Variants in MYOM2 observed in about 807,000 individuals in gnomAD.
MYOM2 encodes the protein myomesin 2, also known as myomesin-2.
In MYOM2, 254 loss-of-function variants were observed where a neutral mutation model predicts 187.6. That is an observed-to-expected ratio of 1.35 (90% confidence interval 1.22 to 1.50). The LOEUF is 1.50. Among genes scored for constraint, MYOM2 ranks in the 40% most tolerant of loss-of-function variants. The probability of loss-of-function intolerance (pLI) is 0.00; values close to 1 mark genes in which losing one functional copy is unlikely to be tolerated. For synonymous variants in MYOM2, 981 were observed against 753.8 expected, an observed-to-expected ratio of 1.30 and a Z score of -4.94; for missense variants, 2,796 against 1,924.0, an observed-to-expected ratio of 1.45 and a Z score of -8.48.
chr8:2,127,299 C>G (rs1797682412), intron 31 of MYOM2, among the ~76,000 whole-genome samples: 1 of 152,126 alleles, frequency 6.6e-6, no homozygotes, highest in African/African-American at 2.4e-5. Flanking sequence ...TCAGGGATCT[C>G]TGCCTTACAG....
intron 36 of MYOM2, among the ~76,000 whole-genome samples, chr8:2,143,917 C>G (rs147382122): frequency 1.1e-4 from 16 of 152,338 alleles, no homozygotes; most frequent in African/African-American, 3.6e-4. Flanking sequence ...TTCTCAAGGT[C>G]ATTGTGGAAC....
chr8:2,092,946 G>A (rs920594243), intron 16 of MYOM2, among the ~76,000 whole-genome samples: 4 of 152,152 alleles, frequency 2.6e-5, no homozygotes, highest in African/African-American at 4.8e-5. Context: ...CCCACCGGGC[G>A]CCGACTCTTC....
At chr8:2,058,994 A>C (rs1047099129) in intron 5 of MYOM2, among the ~76,000 whole-genome samples, 159 bp from the exon 6 acceptor site, 4 of 152,222 alleles carry the variant, frequency 2.6e-5, no homozygotes, top group Non-Finnish European at 2.9e-5. Context: ...AACCAGTGCG[A>C]ACTCTGGGCC....
At chr8:2,096,025 A>T (rs1293239855) in intron 17 of MYOM2, among the ~76,000 whole-genome samples, 1 of 152,172 alleles carries the variant, frequency 6.6e-6, no homozygotes, top group African/African-American at 2.4e-5. Flanking sequence ...ATAGCAATAC[A>T]TATATATGAG....
intron 6 of MYOM2, among the ~76,000 whole-genome samples, chr8:2,061,219 T>C (rs892813200): frequency 1.3e-5 from 2 of 151,972 alleles, no homozygotes; most frequent in Admixed American, 1.3e-4. Flanking sequence ...GCCTGGTGTT[T>C]AGTGAGGGAG....
At chr8:2,053,563 T>G (rs1342833144) in intron 3 of MYOM2, among the ~76,000 whole-genome samples, 1 of 152,266 alleles carries the variant, frequency 6.6e-6, no homozygotes, top group African/African-American at 2.4e-5. Flanking sequence ...TGGCTTACTG[T>G]GATTCATATG....
At chr8:2,086,498 C>CACAGTCGTGATCTCTGCGTGGCCCCCT in intron 14 of MYOM2, among the ~76,000 whole-genome samples, 1 of 142,508 alleles carries the variant, frequency 7.0e-6, no homozygotes, top group East Asian at 2.1e-4. Flanking sequence ...TGTGGCCCCC[C>CACAGTCGTGATCTCTGCGTGGCCCCCT]ACTGTCGTGA....
In MYOM2 at chr8:2,109,135, T is replaced by C. The variant is rs75840588; in HGVS notation, c.3044-260T>C. 1.9e-3 allele frequency among the ~76,000 whole-genome samples: 297 copies of C among 152,326 alleles called. 1 individual carries two copies. Among genetic ancestry groups the C allele is most frequent in the African/African-American group, 7.0e-3 (290 of 41,574 alleles). ...TCTTCTGTTATTGAATTGCATTAAA[T>C]ATAGAAAGAATCCAGGCATCTTTAC... is the stretch of plus-strand genomic sequence containing the variant. On this transcript the variant is annotated intron_variant, in intron 24 of 36. Transcript: ENST00000262113.
In MYOM2 at chr8:2,122,188, G is replaced by A. The variant is rs116471877; in HGVS notation, c.3454-1064G>A. On this transcript the variant is annotated intron_variant, in intron 28 of 36. Coordinates refer to ENST00000262113, the MANE Select transcript of MYOM2 (RefSeq NM_003970.4). ...CAGACACCAAAGAAAATTTTGAAAT[G>A]TTAAAGTAAAGGGAATCGTCTGCTA... Among the ~76,000 whole-genome samples, 775 of 152,326 alleles carry A rather than the reference G, an allele frequency of 5.1e-3. 5 individuals are homozygous for A. Among genetic ancestry groups the A allele is most frequent in the African/African-American group, 0.017 (715 of 41,560 alleles).
At chr8:2,087,786 T>C (rs984159672) in intron 14 of MYOM2, among the ~76,000 whole-genome samples, 2 of 152,064 alleles carry the variant, frequency 1.3e-5, no homozygotes, top group African/African-American at 4.8e-5. Context: ...GCCCAGCTGA[T>C]TTTTAAATTT....
chr8:2,085,545 C>CA (rs1224799443), intron 14 of MYOM2, among the ~76,000 whole-genome samples, 155 bp downstream of exon 14: 19 of 50,438 alleles, frequency 3.8e-4, no homozygotes, highest in South Asian at 6.1e-4. Flanking sequence ...CTGCGTGGCC[C>CA]CACTGTCATG....
chr8:2,078,969 G>T (rs374041689), intron 12 of MYOM2, 36 bp downstream of exon 12: 6 of 1,598,280 alleles, frequency 3.8e-6, no homozygotes, highest in Non-Finnish European at 5.1e-6. Flanking sequence ...ACTGTGCCCA[G>T]GAAGCTTTGG....
intron 1 of MYOM2, among the ~76,000 whole-genome samples, chr8:2,049,240 T>A (rs1818406173): frequency 6.6e-6 from 1 of 152,088 alleles, no homozygotes. Flanking sequence ...AGAGAGTTAG[T>A]GTGGCAGTGT....
chr8:2,093,917 G>T (rs1483916047), intron 16 of MYOM2, 53 bp from the exon 17 acceptor site: 2 of 1,592,036 alleles, frequency 1.3e-6, no homozygotes, highest in African/African-American at 1.4e-5. Flanking sequence ...TTCTGCTGCA[G>T]GAGAGAAAAA....
chr8:2,053,282 A>G lies in MYOM2; in HGVS notation c.263+969A>G, dbSNP rs1043000372. ...AAAAAATTGAATTTTTTTAAATGTC[A>G]TAGGATAATTTTGCCATGTAAATGA... On this transcript the variant is annotated intron_variant, in intron 3 of 36. Coordinates refer to ENST00000262113, the MANE Select transcript of MYOM2 (RefSeq NM_003970.4). Among the ~76,000 whole-genome samples, 4 of 152,218 alleles carry G rather than the reference A, an allele frequency of 2.6e-5. No homozygotes were observed. In the South Asian group the frequency reaches 8.3e-4, roughly 32 times the overall value.
At chr8:2,074,792 C>T (rs1653817378) in intron 10 of MYOM2, among the ~76,000 whole-genome samples, 1 of 152,178 alleles carries the variant, frequency 6.6e-6, no homozygotes. Flanking sequence ...TTTCACTCCC[C>T]TCCTGCTTCT....
chr8:2,077,742 A>C (rs1819483877), intron 11 of MYOM2, among the ~76,000 whole-genome samples: 1 of 152,158 alleles, frequency 6.6e-6, no homozygotes, highest in South Asian at 2.1e-4. Context: ...CCTCATTACA[A>C]AAAGCGCAAA....
At chr8:2,077,291 A>G (rs6997793) in intron 11 of MYOM2, among the ~76,000 whole-genome samples, 6,476 of 152,178 alleles carry the variant, frequency 0.043, 473 homozygotes, top group African/African-American at 0.15. Context: ...GCCTGGCAAC[A>G]CAGTGAGACT....
chr8:2,069,545 A>G (rs1196247820), intron 8 of MYOM2, 48 bp downstream of exon 8: 34 of 1,601,226 alleles, frequency 2.1e-5, no homozygotes, highest in Non-Finnish European at 2.8e-5. Flanking sequence ...GTTTAGTGAC[A>G]TAGCAGACAA....
Sources: allele counts gnomAD v4.1 joint callset (sites outside exome capture counted in the v4.1 genomes callset), GRCh38; gene constraint gnomAD v4.1.1; transcripts MANE v1.5; gene names NCBI Gene and HGNC (gene_info 2026-07-23, HGNC 2026-07-21).